RIMS3: variants seen among roughly 807,000 people sequenced by gnomAD.
RIMS3 encodes the protein regulating synaptic membrane exocytosis 3, also known as regulating synaptic membrane exocytosis protein 3.
In RIMS3, 15 loss-of-function variants were observed where a neutral mutation model predicts 29.2. The ratio of observed to expected loss-of-function variants is 0.51; its 90% CI spans 0.34 to 0.79. RIMS3 has a LOEUF of 0.79. Among genes scored for constraint, RIMS3 ranks in the 30% least tolerant of loss-of-function variants. The pLI, the probability that RIMS3 is intolerant of heterozygous loss-of-function variation, is 0.01. For missense variants in RIMS3, 342 were observed against 421.4 expected (o/e 0.81, Z 1.65); for synonymous variants, 161 against 170.1 (o/e 0.95, Z 0.41).
chr1:40,686,634 G>A, the RIMS3 span, among the ~76,000 whole-genome samples: 4 of 152,186 alleles, frequency 2.6e-5, no homozygotes, highest in Non-Finnish European at 5.9e-5. Flanking sequence ...TCCAGCCTGG[G>A]TGACAGAATG....
Position 40,635,389 on chromosome 1 carries a change from A to G in RIMS3, c.359+527T>C, listed in dbSNP as rs1327782256. Among the ~76,000 whole-genome samples, 1 of 152,232 alleles carries G rather than the reference A, an allele frequency of 6.6e-6. No homozygotes were observed. Among genetic ancestry groups the G allele is most frequent in the Non-Finnish European group, 1.5e-5 (1 of 68,032 alleles). On this transcript the variant is annotated intron_variant, in intron 4 of 7. Coordinates refer to ENST00000372684, the MANE Select transcript of RIMS3 (RefSeq NM_014747.3). This position sits in a 1 kb window ranked among gnomAD's most constrained non-coding sequence, Gnocchi z 4.1. Reference sequence around the variant, plus strand: ...TCACGAGGCAATTTATTCTTACTTCATAAGATATGTCTATTTCTTTTTCTA... The same window carrying G: ...TCACGAGGCAATTTATTCTTACTTCGTAAGATATGTCTATTTCTTTTTCTA...
upstream of RIMS3, among the ~76,000 whole-genome samples, chr1:40,670,077 C>T (rs1642472823): frequency 6.6e-6 from 1 of 152,152 alleles, no homozygotes; most frequent in Non-Finnish European, 1.5e-5. Flanking sequence ...TTGGTCTCAC[C>T]ACCTTCAAAC....
chr1:40,658,505 A>G (rs1400065244), intron 1 of RIMS3, among the ~76,000 whole-genome samples: 2 of 152,216 alleles, frequency 1.3e-5, no homozygotes, highest in Admixed American at 1.3e-4. Flanking sequence ...CGGGGCACTG[A>G]GAACCCTGTT....
chr1:40,643,638 A>G (rs1022840600), intron 2 of RIMS3, among the ~76,000 whole-genome samples: 1 of 151,684 alleles, frequency 6.6e-6, no homozygotes, highest in African/African-American at 2.4e-5. Context: ...CACCATGCTC[A>G]GCTAATTTTT....
chr1:40,688,695 C>T, the RIMS3 span, among the ~76,000 whole-genome samples: 1 of 152,114 alleles, frequency 6.6e-6, no homozygotes, highest in African/African-American at 2.4e-5. Context: ...TATTCCCATC[C>T]ACTACAGAGA....
chr1:40,631,677 C>CTAAA lies in RIMS3; in HGVS notation c.472+1388_472+1391dup, dbSNP rs199808063. 1.7e-3 allele frequency among the ~76,000 whole-genome samples: 257 copies of CTAAA among 151,502 alleles called. 4 individuals are homozygous for CTAAA. The highest frequency in any genetic ancestry group is 6.0e-3 in the African/African-American group (246 of 41,254). On this transcript the variant is annotated intron_variant, in intron 5 of 7. Coordinates refer to ENST00000372684, the MANE Select transcript of RIMS3 (RefSeq NM_014747.3). ...CTGGTGACAGAGCGAGGCTCTGTCTCTAAATAAATAAATAAATGGCAGCCA... is the reference window on the plus strand; with the variant it reads ...CTGGTGACAGAGCGAGGCTCTGTCTCTAAATAAATAAATAAATAAATGGCAGCCA...
chr1:40,669,697 T>A (rs1262640816), upstream of RIMS3: 2 of 152,272 alleles, frequency 1.3e-5, no homozygotes, highest in Non-Finnish European at 2.9e-5. Flanking sequence ...CTATATGCTC[T>A]GAGTTTGGGG....
In RIMS3 at chr1:40,622,327, G is replaced by T. The variant is rs1004128352; in HGVS notation, c.*4190C>A. On this transcript the variant is annotated 3_prime_UTR_variant, in exon 8 of 8. Coordinates refer to ENST00000372684, the MANE Select transcript of RIMS3 (RefSeq NM_014747.3). ...CCATCAGGGCTCACCTGATTGTGTGGGCTTCCCCTGCTCTTCAATCATGCT... is the reference window on the plus strand; with the variant it reads ...CCATCAGGGCTCACCTGATTGTGTGTGCTTCCCCTGCTCTTCAATCATGCT... The T allele has an allele frequency of 3.3e-5, 5 of 152,540 alleles. No individual in the cohort carries two copies. Among genetic ancestry groups the T allele is most frequent in the African/African-American group, 1.2e-4 (5 of 41,436 alleles). 9.4% of individuals were successfully genotyped at this position (152,540 alleles called of 1,614,324 possible). A position where few individuals can be genotyped will look rare whatever the true frequency, so the allele number is the denominator to read the frequency against.
chr1:40,691,767 G>T, the RIMS3 span: 15 of 454,846 alleles, frequency 3.3e-5, no homozygotes, highest in East Asian at 1.1e-3. Flanking sequence ...TCTCCGTGAC[G>T]CACACTTCCC....
chr1:40,687,818 C>G, the RIMS3 span, among the ~76,000 whole-genome samples: 1 of 152,076 alleles, frequency 6.6e-6, no homozygotes, highest in African/African-American at 2.4e-5. Context: ...GCCTACATGT[C>G]TTCCCTAATT....
At position 40,636,055 on chromosome 1, in the gene RIMS3, C is replaced by T. The variant is rs1157185757; in HGVS notation, c.220G>A (p.Gly74Arg). The stretch of plus-strand genomic sequence containing the variant: ...TTGCTGCGCAGCTTCTTGGTGGCCC[C>T]TTCTGTGACCCCCCCAACCCCAAGC... ...KSTLQLPQPE[G>R]ATKKLRSNIR... The change falls in exon 4 of 8, where the codon GGG becomes AGG. Residue 74 changes from glycine (G) to arginine (R), a missense_variant and splice_region_variant. Coordinates refer to ENST00000372684, the MANE Select transcript of RIMS3 (RefSeq NM_014747.3). This position sits in a 1 kb window ranked among gnomAD's most constrained non-coding sequence, Gnocchi z 4.2. 3 of 1,602,842 alleles carry T rather than the reference C, an allele frequency of 1.9e-6. No homozygotes were observed. Among genetic ancestry groups the T allele is most frequent in the Non-Finnish European group, 2.5e-6 (3 of 1,179,942 alleles).
In RIMS3 at chr1:40,635,876, G is replaced by T; in HGVS notation, c.359+40C>A. ...CCAGTGGCTCTGTGACTGGAGGACC[G>T]AGGAGGAGGGAGGGGACCACAGCAC... On this transcript the variant is annotated intron_variant, in intron 4 of 7. Coordinates refer to ENST00000372684, the MANE Select transcript of RIMS3 (RefSeq NM_014747.3). This position sits in a 1 kb window ranked among gnomAD's most constrained non-coding sequence, Gnocchi z 4.1. 6.2e-7 allele frequency: 1 copy of T among 1,603,398 alleles called. No individual in the cohort carries two copies.
chr1:40,651,748 T>C (rs1646633131), intron 1 of RIMS3, among the ~76,000 whole-genome samples: 1 of 152,230 alleles, frequency 6.6e-6, no homozygotes, highest in Non-Finnish European at 1.5e-5. Flanking sequence ...ATTAGCAGTA[T>C]TTATAGCACT....
chr1:40,665,202 CCCTCTCTCATCCCTTAGTCCCCT>C (rs1642406440), intron 1 of RIMS3, among the ~76,000 whole-genome samples, 169 bp downstream of exon 1: 1 of 152,028 alleles, frequency 6.6e-6, no homozygotes, highest in Non-Finnish European at 1.5e-5. Flanking sequence ...CACCCCACGT[CCCTCTCTCATCCCTTAGTCCCCT>C]CCCCAGAGCC....
intron 2 of RIMS3, among the ~76,000 whole-genome samples, chr1:40,644,226 G>A (rs1242603215): frequency 6.6e-6 from 1 of 152,208 alleles, no homozygotes; most frequent in Non-Finnish European, 1.5e-5. Context: ...AATGATGTGA[G>A]ACAATACATT....
At chr1:40,653,850 G>A (rs1034755678) in intron 1 of RIMS3, among the ~76,000 whole-genome samples, 1 of 152,184 alleles carries the variant, frequency 6.6e-6, no homozygotes, top group Non-Finnish European at 1.5e-5. Context: ...CTGGACCGCA[G>A]ATGAAAATGA....
In RIMS3 at chr1:40,625,306, G is replaced by T. The variant is rs1054250077; in HGVS notation, c.*1211C>A. 1.3e-5 allele frequency: 2 copies of T among 152,932 alleles called. No homozygotes were observed. The highest frequency in any genetic ancestry group is 4.8e-5 in the African/African-American group (2 of 41,444). 9.5% of individuals were successfully genotyped at this position (152,932 alleles called of 1,614,324 possible). A position where few individuals can be genotyped will look rare whatever the true frequency, so the allele number is the denominator to read the frequency against. ...CAGGAAAGCAGGGAAGCCCGGAGGG[G>T]TAAGTATTGCTTAGACAGAGCTGGT... On this transcript the variant is annotated 3_prime_UTR_variant, in exon 8 of 8. Transcript: ENST00000372684.
At chr1:40,684,963 T>G in the RIMS3 span, among the ~76,000 whole-genome samples, 2 of 152,168 alleles carry the variant, frequency 1.3e-5, no homozygotes, top group African/African-American at 4.8e-5. Flanking sequence ...GTTTGTAACT[T>G]GATGGCCTCA....
chr1:40,636,086 G>C lies in RIMS3; in HGVS notation c.218-29C>G. Reference sequence around the variant, plus strand: ...TGACCCCCCCAACCCCAAGCACAGAGAGGGAACAAGGTCAGATTATGAATG... The same window carrying C: ...TGACCCCCCCAACCCCAAGCACAGACAGGGAACAAGGTCAGATTATGAATG... On this transcript the variant is annotated intron_variant, in intron 3 of 7. Coordinates refer to ENST00000372684, the MANE Select transcript of RIMS3 (RefSeq NM_014747.3). This position sits in a 1 kb window ranked among gnomAD's most constrained non-coding sequence, Gnocchi z 4.2. 1 of 1,600,930 alleles carries C rather than the reference G, an allele frequency of 6.2e-7. No individual in the cohort carries two copies. Among genetic ancestry groups the C allele is most frequent in the Non-Finnish European group, 8.5e-7 (1 of 1,179,696 alleles).
Sources: allele counts gnomAD v4.1 joint callset (sites outside exome capture counted in the v4.1 genomes callset), GRCh38; gene constraint gnomAD v4.1.1; non-coding constraint Gnocchi (gnomAD v3.1); transcripts MANE v1.5; gene names NCBI Gene and HGNC (gene_info 2026-07-23, HGNC 2026-07-21).